The following RMND5B variants were observed in gnomAD, a reference collection of about 807,000 sequenced individuals.
RMND5B encodes E3 ubiquitin-protein transferase RMND5B.
Under a neutral mutation model 50.4 loss-of-function variants are expected in RMND5B, and 42 were observed. The ratio of observed to expected loss-of-function variants is 0.83; its 90% CI spans 0.65 to 1.08. The LOEUF is 1.08. Among genes scored for constraint, RMND5B ranks in the 50% least tolerant of loss-of-function variants. The probability of loss-of-function intolerance (pLI) is 0.00; values close to 1 mark genes in which losing one functional copy is unlikely to be tolerated. For synonymous variants in RMND5B, 220 were observed against 210.0 expected (o/e 1.05, Z -0.41); for missense variants, 463 against 508.5 (o/e 0.91, Z 0.86).
rs1043445437 is a variant in RMND5B, at chr5:178,137,576, C to T, written c.-12-532C>T. On this transcript the variant is annotated intron_variant, in intron 2 of 10. Coordinates refer to ENST00000313386, the MANE Select transcript of RMND5B (RefSeq NM_022762.5). This position sits in a 1 kb window ranked among gnomAD's most constrained non-coding sequence, Gnocchi z 4.4. ...TAGAAGCACACTCCTGTGGTCCCAG[C>T]TAGTCAGGAGGCTAAAGTGGGAGAA... 6.6e-6 allele frequency among the ~76,000 whole-genome samples: 1 copy of T among 151,986 alleles called. No homozygotes were observed. Among genetic ancestry groups the T allele is most frequent in the African/African-American group, 2.4e-5 (1 of 41,368 alleles).
chr5:178,146,316 G>A lies in RMND5B; in HGVS notation c.860+37G>A, dbSNP rs375799811. 22 of 1,589,314 alleles carry A rather than the reference G, an allele frequency of 1.4e-5. No homozygotes were observed. The African/African-American group carries it at 1.7e-4, about 13-fold the overall frequency. Reference sequence around the variant, plus strand: ...CCCTGTGAGGGCAGCACAGGTGGGAGGGTAGAGAGGTAATCATCATTTGCC... The same window carrying A: ...CCCTGTGAGGGCAGCACAGGTGGGAAGGTAGAGAGGTAATCATCATTTGCC... On this transcript the variant is annotated intron_variant, in intron 8 of 10. Transcript: ENST00000313386.
In RMND5B at chr5:178,147,875, T is replaced by C. The variant is rs1339123714; in HGVS notation, c.1110T>C (p.Asn370=). Residue 370 remains asparagine (N), a synonymous_variant, in exon 10 of 11, where the codon AAT becomes AAC. Coordinates refer to ENST00000313386, the MANE Select transcript of RMND5B (RefSeq NM_022762.5). Reference sequence around the variant, plus strand: ...GAGATGCACTCAATAAGCTCATTAATGGAGGAAAGTAAGTTCCCCGTGCTC... The same window carrying C: ...GAGATGCACTCAATAAGCTCATTAACGGAGGAAAGTAAGTTCCCCGTGCTC... ...ISRDALNKLI[N]GGKLKCPYCP... 2 of 1,614,020 alleles carry C rather than the reference T, an allele frequency of 1.2e-6. No individual in the cohort carries two copies. The highest frequency in any genetic ancestry group is 2.7e-5 in the African/African-American group (2 of 74,914).
chr5:178,143,721 C>T lies in RMND5B; in HGVS notation c.521C>T (p.Ala174Val), dbSNP rs1561637151. The change falls in exon 6 of 11, where the codon GCG (alanine) becomes GTG (valine). Residue 174 changes from alanine to valine, a missense_variant. Coordinates refer to ENST00000313386, the MANE Select transcript of RMND5B (RefSeq NM_022762.5). ...CTGCACGAACAAGACCTGGGTCCTGCGTTGGAGTAAGGAGGCCCTTGGGTG... is the reference window on the plus strand; with the variant it reads ...CTGCACGAACAAGACCTGGGTCCTGTGTTGGAGTAAGGAGGCCCTTGGGTG... The part of the protein sequence containing the change: ...EALHEQDLGP[A>V]LEWAVSHRQR... 4.3e-6 allele frequency: 7 copies of T among 1,612,784 alleles called. No homozygotes were observed. The highest frequency in any genetic ancestry group is 1.6e-4 in the Middle Eastern group (1 of 6,062).
intron 5 of RMND5B, 132 bp from the exon 6 acceptor site, chr5:178,143,495 G>C (rs983048167): frequency 2.8e-6 from 2 of 708,144 alleles, no homozygotes; most frequent in Admixed American, 4.7e-5. Context: ...TGGCTGGCAG[G>C]AGACCAAGCT....
chr5:178,131,114 G>A (rs963925352), intron 1 of RMND5B, 60 bp downstream of exon 1: 4 of 151,628 alleles, frequency 2.6e-5, no homozygotes, highest in African/African-American at 7.3e-5. Context: ...ACAGCGGCCG[G>A]CGGAGCTGAG....
chr5:178,145,922 G>T, intron 7 of RMND5B, 192 bp from the exon 8 acceptor site: 1 of 572,534 alleles, frequency 1.7e-6, no homozygotes, highest in East Asian at 2.8e-5. Context: ...GAAGCAGCCT[G>T]GACCTCCACC....
chr5:178,148,079 C>A lies in RMND5B; in HGVS notation c.*47C>A. The A allele has an allele frequency of 6.3e-7, 1 of 1,584,342 alleles. No homozygotes were observed. Among genetic ancestry groups the A allele is most frequent in the East Asian group, 2.2e-5 (1 of 44,714 alleles). On this transcript the variant is annotated 3_prime_UTR_variant, in exon 11 of 11. Coordinates refer to ENST00000313386, the MANE Select transcript of RMND5B (RefSeq NM_022762.5). Reference sequence around the variant, plus strand: ...GTTGAAAGGGGTTTTCACCTGTGAGCCTTGGTCTGTCTCGGTAGGGTGGTC... The same window carrying A: ...GTTGAAAGGGGTTTTCACCTGTGAGACTTGGTCTGTCTCGGTAGGGTGGTC...
chr5:178,142,631 A>G lies in RMND5B; in HGVS notation c.188A>G (p.Gln63Arg). 1 of 1,614,188 alleles carries G rather than the reference A, an allele frequency of 6.2e-7. No homozygotes were observed. The highest frequency in any genetic ancestry group is 1.1e-5 in the South Asian group (1 of 91,092). The change falls in exon 4 of 11, where the codon CAG (glutamine) becomes CGG (arginine). Residue 63 changes from glutamine (Q) to arginine (R), a missense_variant. Coordinates refer to ENST00000313386, the MANE Select transcript of RMND5B (RefSeq NM_022762.5). ...LSATLSLVMSQCCRKIKDTVQ... is the reference protein window; with the variant it reads ...LSATLSLVMSRCCRKIKDTVQ... Reference sequence around the variant, plus strand: ...GCCACCCTCTCTCTGGTGATGTCACAGTGCTGCCGGAAGATCAAAGATACG... The same window carrying G: ...GCCACCCTCTCTCTGGTGATGTCACGGTGCTGCCGGAAGATCAAAGATACG...
chr5:178,141,799 C>T (rs906278175), intron 3 of RMND5B: 4 of 152,216 alleles, frequency 2.6e-5, no homozygotes, highest in Non-Finnish European at 4.4e-5. Context: ...AATTTCAGAA[C>T]ATTTTCATCA....
chr5:178,145,418 G>A (rs984022175), intron 7 of RMND5B, among the ~76,000 whole-genome samples: 2 of 151,482 alleles, frequency 1.3e-5, no homozygotes, highest in African/African-American at 2.4e-5. Context: ...CCCGGGAAGC[G>A]GAGGCTGCAG....
chr5:178,142,900 G>A lies in RMND5B; in HGVS notation c.334G>A (p.Ala112Thr), dbSNP rs776127610. ...CGVVSDAVWD[A>T]REQQQQILQM... ...TGTTGTGTCAGATGCGGTGTGGGAC[G>A]CGCGGGAACAGCAGCAGCAGATCCT... The change falls in exon 5 of 11, where the codon GCG becomes ACG. Residue 112 changes from alanine to threonine, a missense_variant. By Grantham distance (58) the Ala-to-Thr change is moderately conservative. Coordinates refer to ENST00000313386, the MANE Select transcript of RMND5B (RefSeq NM_022762.5). 41 of 1,614,118 alleles carry A rather than the reference G, an allele frequency of 2.5e-5. No homozygotes were observed. The South Asian group carries it at 2.6e-4, about 10-fold the overall frequency.
At position 178,142,996 on chromosome 5, in the gene RMND5B, C is replaced by T. The variant is rs761213419; in HGVS notation, c.426+4C>T. On this transcript the variant is annotated splice_donor_region_variant and intron_variant, in intron 5 of 10. Transcript: ENST00000313386. ...CGTGGCCGAGGAGCTGTGCCAGGTA[C>T]AGTCGGGCTGGGCGGGCGCAACAAC... 6.2e-7 allele frequency: 1 copy of T among 1,608,626 alleles called. No homozygotes were observed. Among genetic ancestry groups the T allele is most frequent in the Non-Finnish European group, 8.5e-7 (1 of 1,176,464 alleles).
At chr5:178,146,031 T>C in intron 7 of RMND5B, 83 bp from the exon 8 acceptor site, 1 of 1,413,132 alleles carries the variant, frequency 7.1e-7, no homozygotes, top group Non-Finnish European at 9.7e-7. Context: ...CATATTGTGC[T>C]GTGCTGCACA....
In RMND5B at chr5:178,144,120, G is replaced by A; in HGVS notation, c.694+12G>A. ...GCTGCACCAGCGGGGTGAGTGCCCAGGCAGCTGGGGTTGTGCTGCCTGGCC... is the reference window on the plus strand; with the variant it reads ...GCTGCACCAGCGGGGTGAGTGCCCAAGCAGCTGGGGTTGTGCTGCCTGGCC... On this transcript the variant is annotated intron_variant, in intron 7 of 10. Coordinates refer to ENST00000313386, the MANE Select transcript of RMND5B (RefSeq NM_022762.5). The A allele has an allele frequency of 6.2e-7, 1 of 1,610,906 alleles. No individual in the cohort carries two copies. The highest frequency in any genetic ancestry group is 2.2e-5 in the East Asian group (1 of 44,812).
At chr5:178,136,238 G>C (rs749764798) in intron 2 of RMND5B, 3 of 152,192 alleles carry the variant, frequency 2.0e-5, no homozygotes, top group African/African-American at 7.2e-5. Context: ...TAGTGTTTTC[G>C]TGAGCATTAG....
intron 3 of RMND5B, chr5:178,141,919 A>G (rs1211597129): frequency 3.3e-5 from 5 of 152,390 alleles, no homozygotes; most frequent in South Asian, 2.1e-4. Flanking sequence ...TATTTTGGAC[A>G]GTTCATATAC....
At chr5:178,144,833 T>C (rs927987850) in intron 7 of RMND5B, among the ~76,000 whole-genome samples, 3 of 151,826 alleles carry the variant, frequency 2.0e-5, no homozygotes, top group Admixed American at 2.0e-4. Flanking sequence ...CTTGGCAACA[T>C]GGGGAACCCC....
At chr5:178,133,021 C>T (rs1171101283) in intron 2 of RMND5B, among the ~76,000 whole-genome samples, 1 of 151,756 alleles carries the variant, frequency 6.6e-6, no homozygotes, top group Non-Finnish European at 1.5e-5. Flanking sequence ...CGCACCACCA[C>T]GCCCAGCTAA....
rs1758737220 is a variant in RMND5B, at chr5:178,138,433, C to A, written c.139+175C>A. Reference sequence around the variant, plus strand: ...CTCTGAGCTACTTCAAAAAGCCCAACAAATTATTAATTTACCTGAGATGAT... The same window carrying A: ...CTCTGAGCTACTTCAAAAAGCCCAAAAAATTATTAATTTACCTGAGATGAT... On this transcript the variant is annotated intron_variant, in intron 3 of 10. Transcript: ENST00000313386. The surrounding 1 kb of genome is among the most constrained non-coding windows in gnomAD (Gnocchi z 5.1). 3 of 1,376,036 alleles carry A rather than the reference C, an allele frequency of 2.2e-6. No homozygotes were observed. Among genetic ancestry groups the A allele is most frequent in the Non-Finnish European group, 2.8e-6 (3 of 1,067,162 alleles). 85.2% of individuals were successfully genotyped at this position (1,376,036 alleles called of 1,614,324 possible). A position where few individuals can be genotyped will look rare whatever the true frequency, so the allele number is the denominator to read the frequency against.
Sources: gnomAD v4.1 joint callset for allele counts (sites outside exome capture counted in the v4.1 genomes callset) on GRCh38, gnomAD v4.1.1 for gene constraint, Gnocchi (gnomAD v3.1) non-coding constraint, MANE v1.5 for transcripts, NCBI Gene and HGNC (gene_info 2026-07-23, HGNC 2026-07-21) for gene names.